The following ADGRA1 variants were observed in gnomAD, a reference collection of about 807,000 sequenced individuals.
ADGRA1 encodes the protein adhesion G protein-coupled receptor A1, also known as G-protein coupled receptor 123.
ADGRA1 carries 12 observed loss-of-function variants against 21.3 expected under a neutral mutation model. The observed-to-expected ratio is 0.56, with a 90% CI of 0.36 to 0.91. The LOEUF is 0.91. ADGRA1 is among the 40% of genes least tolerant of loss of function. ADGRA1 has a pLI of 0.01. For synonymous variants in ADGRA1, 385 were observed against 368.8 expected, an observed-to-expected ratio of 1.04 and a Z score of -0.50; for missense variants, 790 against 805.6, an observed-to-expected ratio of 0.98 and a Z score of 0.23.
At chr10:133,127,857 G>T (rs1335769667) in intron 6 of ADGRA1, among the ~76,000 whole-genome samples, 2 of 113,250 alleles carry the variant, frequency 1.8e-5, no homozygotes, top group African/African-American at 6.9e-5. Flanking sequence ...GCCTGGCCCC[G>T]CCCACCCAGC....
intron 2 of ADGRA1, among the ~76,000 whole-genome samples, chr10:133,090,140 C>G (rs1262466896): frequency 6.6e-6 from 1 of 152,248 alleles, no homozygotes; most frequent in African/African-American, 2.4e-5. Flanking sequence ...TGCCGCAGCC[C>G]GGGGGTCCCT....
At position 133,102,851 on chromosome 10, in the gene ADGRA1, T is replaced by C. The variant is rs907186774; in HGVS notation, c.401+9T>C. 4.4e-6 allele frequency: 7 copies of C among 1,599,434 alleles called. No homozygotes were observed. Among genetic ancestry groups the C allele is most frequent in the Non-Finnish European group, 6.0e-6 (7 of 1,168,810 alleles). On this transcript the variant is annotated intron_variant, in intron 5 of 6. Transcript: ENST00000392607. ...AGGCAGCCCCTGCTCAGGTACTGAG[T>C]GCACATGGGCGCGAGGCCCCGCCAC...
At chr10:133,110,165 C>T (rs1038759206) in intron 5 of ADGRA1, among the ~76,000 whole-genome samples, 8 of 152,232 alleles carry the variant, frequency 5.3e-5, no homozygotes, top group African/African-American at 1.9e-4. Flanking sequence ...TCCTGGGAGA[C>T]GGCAGGTGGG....
intron 5 of ADGRA1, among the ~76,000 whole-genome samples, chr10:133,123,725 G>A (rs867465555): frequency 2.6e-4 from 26 of 101,272 alleles, no homozygotes; most frequent in East Asian, 1.3e-3. Flanking sequence ...CCCCCCCCCC[G>A]GCACCTTCTG....
At chr10:133,089,067 A>C in intron 2 of ADGRA1, 155 bp downstream of exon 2, 1 of 1,220,754 alleles carries the variant, frequency 8.2e-7, no homozygotes. Flanking sequence ...GGCTCTGTGG[A>C]GTGGGGGCCG....
intron 5 of ADGRA1, among the ~76,000 whole-genome samples, 163 bp downstream of exon 5, chr10:133,103,005 C>T (rs938648374): frequency 1.4e-5 from 2 of 143,476 alleles, no homozygotes; most frequent in East Asian, 2.2e-4. Flanking sequence ...GAGCGGGCGA[C>T]GGATCTGAGG....
At chr10:133,124,210 C>T (rs1183589024) in intron 5 of ADGRA1, among the ~76,000 whole-genome samples, 1 of 149,962 alleles carries the variant, frequency 6.7e-6, no homozygotes, top group East Asian at 2.0e-4. Flanking sequence ...CCCTCCCCGG[C>T]TCTGCAACCT....
In ADGRA1 at chr10:133,097,089, T is replaced by A. The variant is rs764555327; in HGVS notation, c.119T>A (p.Ile40Asn). 1.9e-6 allele frequency: 3 copies of A among 1,606,094 alleles called. No individual in the cohort carries two copies. Among genetic ancestry groups the A allele is most frequent in the Non-Finnish European group, 2.5e-6 (3 of 1,179,976 alleles). The change falls in exon 3 of 7, where the codon ATC becomes AAC. Residue 40 changes from isoleucine (I) to asparagine (N), a missense_variant. Physicochemically the swap from Ile to Asn is moderately radical, Grantham distance 149 (BLOSUM62 -3). Around this residue, in one of 3 missense-constraint regions of ADGRA1, gnomAD observed 382 missense variants for 415.6 expected, o/e 0.92. Transcript: ENST00000392607. ...CTCCTGGCCTCCTTCGTCACCTACA[T>A]CGTGCACCAGAGGTGAGCCTGGCAT... ...LCLLASFVTY[I>N]VHQSAIRISR... is the part of the protein sequence containing the mutation.
intron 5 of ADGRA1, among the ~76,000 whole-genome samples, chr10:133,112,330 T>C (rs1564849961): frequency 6.6e-6 from 1 of 151,730 alleles, no homozygotes; most frequent in African/African-American, 2.4e-5. Context: ...ATCGGTTATC[T>C]GGGGTCTGCA....
At chr10:133,114,111 G>T (rs965511829) in intron 5 of ADGRA1, among the ~76,000 whole-genome samples, 1 of 152,202 alleles carries the variant, frequency 6.6e-6, no homozygotes, top group South Asian at 2.1e-4. Flanking sequence ...GAGGTGCCAC[G>T]TGGTACAACC....
Position 133,088,923 on chromosome 10 carries a change from G to A in ADGRA1, c.3+11G>A. On this transcript the variant is annotated intron_variant, in intron 2 of 6. Coordinates refer to ENST00000392607, the MANE Select transcript of ADGRA1 (RefSeq NM_001083909.3). Reference sequence around the variant, plus strand: ...TTTGCAGCGCTCATGGTGAGTACGGGGGTCCCGGGGGTCCTGCAGCTGGGG... The same window carrying A: ...TTTGCAGCGCTCATGGTGAGTACGGAGGTCCCGGGGGTCCTGCAGCTGGGG... 8.1e-7 allele frequency: 1 copy of A among 1,241,480 alleles called. No homozygotes were observed. The highest frequency in any genetic ancestry group is 1.0e-6 in the Non-Finnish European group (1 of 990,420). The allele number at this position is 1,241,480 out of a possible 1,614,324, so 76.9% of individuals were successfully genotyped here.
rs12259457 is a variant in ADGRA1 at position 133,128,062 on chromosome 10, G to A, written c.501-267G>A. ...TTCCTGCCCCTGCCCACCCAGACCCGCCCTGCACCTGGCCCCCTGCCTGGC... is the reference window on the plus strand; with the variant it reads ...TTCCTGCCCCTGCCCACCCAGACCCACCCTGCACCTGGCCCCCTGCCTGGC... On this transcript the variant is annotated intron_variant, in intron 6 of 6. Coordinates refer to ENST00000392607, the MANE Select transcript of ADGRA1 (RefSeq NM_001083909.3). Among the ~76,000 whole-genome samples the A allele has an allele frequency of 4.6e-5, 3 of 65,870 alleles. No homozygotes were observed. In the South Asian group the frequency reaches 2.2e-3, roughly 49 times the overall value. 43.2% of individuals were successfully genotyped at this position (65,870 alleles called of 152,430 possible).
At chr10:133,117,011 G>C (rs917349024) in intron 5 of ADGRA1, among the ~76,000 whole-genome samples, 2 of 152,170 alleles carry the variant, frequency 1.3e-5, no homozygotes, top group African/African-American at 4.8e-5. Context: ...TGTGGAAGGT[G>C]GCCTCGGTCG....
At chr10:133,102,464 C>T (rs1319677979) in intron 4 of ADGRA1, 1 of 651,298 alleles carries the variant, frequency 1.5e-6, no homozygotes, top group Non-Finnish European at 2.8e-6. Context: ...AGACTCCCTG[C>T]TCCCGTCTCT....
chr10:133,104,045 C>G (rs368342307), intron 5 of ADGRA1, among the ~76,000 whole-genome samples: 6 of 152,218 alleles, frequency 3.9e-5, no homozygotes, highest in Non-Finnish European at 8.8e-5. Context: ...TGCTGGCGCA[C>G]GGACACCTGC....
At chr10:133,110,460 G>T (rs558704084) in intron 5 of ADGRA1, among the ~76,000 whole-genome samples, 5 of 152,372 alleles carry the variant, frequency 3.3e-5, no homozygotes, top group African/African-American at 1.2e-4. Context: ...GCAGTGCGTG[G>T]GGAATGTGCT....
intron 5 of ADGRA1, among the ~76,000 whole-genome samples, chr10:133,119,205 G>T (rs2135901468): frequency 6.6e-6 from 1 of 152,090 alleles, no homozygotes; most frequent in East Asian, 1.9e-4. Flanking sequence ...GGCAGAGGAG[G>T]CCATGACCAT....
intron 5 of ADGRA1, among the ~76,000 whole-genome samples, chr10:133,108,296 G>A (rs1451941470): frequency 6.6e-6 from 1 of 152,254 alleles, no homozygotes; most frequent in East Asian, 1.9e-4. Flanking sequence ...AACCTGGCGT[G>A]AGCCTTTGGC....
In ADGRA1 at chr10:133,113,222, C is replaced by T. The variant is rs185058007; in HGVS notation, c.401+10380C>T. Among the ~76,000 whole-genome samples the T allele has an allele frequency of 1.8e-3, 277 of 151,928 alleles. 4 individuals are homozygous for T. The highest frequency in any genetic ancestry group is 6.2e-3 in the African/African-American group (255 of 41,302). On this transcript the variant is annotated intron_variant, in intron 5 of 6. Coordinates refer to ENST00000392607, the MANE Select transcript of ADGRA1 (RefSeq NM_001083909.3). ...GCGTCGGTTATTTGAGGTCTGCGGG[C>T]CGCGTCAGTTATTTGAGGTCTGTAA... is the stretch of plus-strand genomic sequence containing the variant.
Sources: gnomAD v4.1 joint callset for allele counts (sites outside exome capture counted in the v4.1 genomes callset) on GRCh38, gnomAD v4.1.1 for gene constraint, gnomAD v4.1.1 regional missense constraint, MANE v1.5 for transcripts, NCBI Gene and HGNC (gene_info 2026-07-23, HGNC 2026-07-21) for gene names.